The following OXR1 variants were observed in gnomAD, a reference collection of about 807,000 sequenced individuals.
OXR1 encodes oxidation resistance 1.
In OXR1, 41 loss-of-function variants were observed where a neutral mutation model predicts 104.6. The observed-to-expected ratio is 0.39, with a 90% CI of 0.31 to 0.51. OXR1 has a LOEUF of 0.51. Among genes scored for constraint, OXR1 ranks in the 20% least tolerant of loss-of-function variants. The pLI, the probability that OXR1 is intolerant of heterozygous loss-of-function variation, is 0.77. For synonymous variants in OXR1, 348 were observed against 348.4 expected (o/e 1.00, Z 0.01); for missense variants, 955 against 1,031.9 (o/e 0.93, Z 1.02).
intron 1 of OXR1, among the ~76,000 whole-genome samples, chr8:106,316,062 A>G (rs570181508): frequency 5.9e-5 from 9 of 152,186 alleles, no homozygotes; most frequent in Non-Finnish European, 1.3e-4. Context: ...GTTTTTGTCA[A>G]ATAAAAAACT....
chr8:106,414,354 A>G (rs1176734899), intron 2 of OXR1, among the ~76,000 whole-genome samples: 1 of 152,064 alleles, frequency 6.6e-6, no homozygotes, highest in Non-Finnish European at 1.5e-5. Flanking sequence ...GGAAGGGACC[A>G]TGTTGAATTG....
intron 2 of OXR1, among the ~76,000 whole-genome samples, chr8:106,459,680 C>A (rs1291147577): frequency 6.6e-6 from 1 of 152,154 alleles, no homozygotes; most frequent in East Asian, 1.9e-4. Flanking sequence ...GGAAGGCAGT[C>A]CTAAATCTTG....
intron 3 of OXR1, among the ~76,000 whole-genome samples, chr8:106,626,129 A>G (rs1294566559): frequency 6.6e-6 from 1 of 151,802 alleles, no homozygotes; most frequent in African/African-American, 2.4e-5. Flanking sequence ...AAAACAATCT[A>G]GATACATTAA....
intron 2 of OXR1, among the ~76,000 whole-genome samples, chr8:106,361,620 A>G (rs545525667): frequency 6.6e-6 from 1 of 152,188 alleles, no homozygotes; most frequent in Non-Finnish European, 1.5e-5. Flanking sequence ...TTTTTATAAT[A>G]ACCTTTGTAA....
intron 2 of OXR1, among the ~76,000 whole-genome samples, chr8:106,427,323 C>A (rs963608566): frequency 3.3e-5 from 5 of 151,990 alleles, no homozygotes; most frequent in African/African-American, 1.2e-4. Context: ...ACCACCACCA[C>A]GTCCGGCAAA....
chr8:106,403,983 G>T (rs1226710461), intron 2 of OXR1, among the ~76,000 whole-genome samples: 3 of 152,188 alleles, frequency 2.0e-5, no homozygotes, highest in Non-Finnish European at 4.4e-5. Flanking sequence ...GTTCTAAGGA[G>T]ATCTAGCATT....
chr8:106,333,600 G>A (rs1814827204), intron 1 of OXR1, among the ~76,000 whole-genome samples: 1 of 151,978 alleles, frequency 6.6e-6, no homozygotes, highest in East Asian at 1.9e-4. Context: ...TTCTAAGATT[G>A]TCGTAGTTTT....
At chr8:106,313,174 T>A (rs1813780762) in intron 1 of OXR1, among the ~76,000 whole-genome samples, 1 of 152,138 alleles carries the variant, frequency 6.6e-6, no homozygotes, top group African/African-American at 2.4e-5. Context: ...GATGAGACAA[T>A]ACCGGCTTCT....
chr8:106,721,851 G>A (rs1832850463), intron 11 of OXR1, among the ~76,000 whole-genome samples: 1 of 152,092 alleles, frequency 6.6e-6, no homozygotes, highest in African/African-American at 2.4e-5. Flanking sequence ...AGCATTGTAG[G>A]CCATAACATT....
intron 2 of OXR1, among the ~76,000 whole-genome samples, chr8:106,411,548 G>A (rs1273097513): frequency 6.6e-6 from 1 of 152,138 alleles, no homozygotes; most frequent in Admixed American, 6.6e-5. Context: ...AGAGAGGGTC[G>A]CTAAGCTTTC....
chr8:106,424,381 A>G (rs901798932), intron 2 of OXR1, among the ~76,000 whole-genome samples: 1 of 152,136 alleles, frequency 6.6e-6, no homozygotes, highest in African/African-American at 2.4e-5. Flanking sequence ...ATGGGTTCAG[A>G]TTATCATCTA....
chr8:106,536,908 A>C (rs2130290954), intron 3 of OXR1, among the ~76,000 whole-genome samples: 1 of 152,330 alleles, frequency 6.6e-6, no homozygotes, highest in East Asian at 1.9e-4. Flanking sequence ...CAAATCCACA[A>C]CATTATCTGT....
chr8:106,291,586 T>C (rs908529675), intron 1 of OXR1, among the ~76,000 whole-genome samples: 1 of 152,204 alleles, frequency 6.6e-6, no homozygotes, highest in African/African-American at 2.4e-5. Flanking sequence ...TCAATCACAG[T>C]CTGAAAATAT....
At chr8:106,441,781 T>C (rs1819794684) in intron 2 of OXR1, among the ~76,000 whole-genome samples, 1 of 152,220 alleles carries the variant, frequency 6.6e-6, no homozygotes, top group East Asian at 1.9e-4. Context: ...CCTGAGACTT[T>C]GCTGAAGTTG....
intron 8 of OXR1, among the ~76,000 whole-genome samples, chr8:106,705,513 C>T (rs780376943): frequency 1.3e-5 from 2 of 152,108 alleles, no homozygotes; most frequent in Non-Finnish European, 2.9e-5. Context: ...CTTTCCTTTT[C>T]AGCATATTTT....
chr8:106,659,818 A>G (rs1276867550), intron 3 of OXR1, among the ~76,000 whole-genome samples: 1 of 152,180 alleles, frequency 6.6e-6, no homozygotes, highest in Non-Finnish European at 1.5e-5. Context: ...GCAGAGAGAC[A>G]CTTATGTGTT....
chr8:106,495,828 T>C (rs1396284515), intron 2 of OXR1, among the ~76,000 whole-genome samples: 1 of 152,136 alleles, frequency 6.6e-6, no homozygotes, highest in Non-Finnish European at 1.5e-5. Flanking sequence ...ATAAGTAACT[T>C]GTGTGTTTGT....
chr8:106,434,003 G>A (rs13279442), intron 2 of OXR1, among the ~76,000 whole-genome samples: 34,407 of 152,014 alleles, frequency 0.23, 5,410 homozygotes, highest in African/African-American at 0.42. Context: ...ACCAGCAAAT[G>A]TTCCCATAAA....
At chr8:106,555,286 A>G (rs1437492739) in intron 3 of OXR1, among the ~76,000 whole-genome samples, 1 of 152,174 alleles carries the variant, frequency 6.6e-6, no homozygotes, top group Admixed American at 6.5e-5. Flanking sequence ...CCAAATGTGC[A>G]TGATAATAAG....
Sources: gnomAD v4.1 joint callset for allele counts (sites outside exome capture counted in the v4.1 genomes callset) on GRCh38, gnomAD v4.1.1 for gene constraint, MANE v1.5 for transcripts, NCBI Gene and HGNC (gene_info 2026-07-23, HGNC 2026-07-21) for gene names.